CYP7B1: variants seen among roughly 807,000 people sequenced by gnomAD.
CYP7B1 encodes cytochrome P450 family 7 subfamily B member 1, also known as cytochrome P450 7B1.
Under a neutral mutation model 42.7 loss-of-function variants are expected in CYP7B1, and 29 were observed. That is an observed-to-expected ratio of 0.68 (90% CI 0.51 to 0.93). The LOEUF (loss-of-function observed/expected upper bound fraction) is 0.93. CYP7B1 is among the 40% of genes least tolerant of loss of function. The probability of loss-of-function intolerance (pLI) is 0.00; values close to 1 mark genes in which losing one functional copy is unlikely to be tolerated. For missense variants in CYP7B1, 655 were observed against 600.5 expected, an observed-to-expected ratio of 1.09 and a Z score of -0.95; for synonymous variants, 235 against 218.2, an observed-to-expected ratio of 1.08 and a Z score of -0.68.
chr8:64,711,438 G>A (rs889031390), intron 1 of CYP7B1, among the ~76,000 whole-genome samples: 10 of 152,176 alleles, frequency 6.6e-5, no homozygotes, highest in Non-Finnish European at 8.8e-5. Flanking sequence ...AAATGGTGGC[G>A]CTACAAAGAG....
chr8:64,733,857 C>G (rs922641837), intron 1 of CYP7B1, among the ~76,000 whole-genome samples: 7 of 152,066 alleles, frequency 4.6e-5, no homozygotes, highest in African/African-American at 1.7e-4. Context: ...ACAGTCCCAG[C>G]TATTTTGGAG....
intron 1 of CYP7B1, among the ~76,000 whole-genome samples, chr8:64,639,290 A>G (rs1805819628): frequency 6.6e-6 from 1 of 152,168 alleles, no homozygotes; most frequent in Admixed American, 6.6e-5. Flanking sequence ...TTATTGCAAC[A>G]GGATTTTACT....
intron 2 of CYP7B1, among the ~76,000 whole-genome samples, chr8:64,621,642 G>A (rs1414019227): frequency 2.6e-5 from 4 of 152,106 alleles, no homozygotes; most frequent in Non-Finnish European, 2.9e-5. Flanking sequence ...CTGATCTTGG[G>A]GAGCCTCATG....
chr8:64,728,741 GA>G (rs1244144592), intron 1 of CYP7B1: 2 of 152,130 alleles, frequency 1.3e-5, no homozygotes, highest in Admixed American at 6.6e-5. Context: ...AACACTTCTA[GA>G]AAAAATCAGG....
chr8:64,708,335 T>C (rs1807029833), intron 1 of CYP7B1, among the ~76,000 whole-genome samples: 1 of 152,180 alleles, frequency 6.6e-6, no homozygotes, highest in African/African-American at 2.4e-5. Context: ...CCAGTTCACC[T>C]ACTCAGCACG....
At chr8:64,660,350 T>C (rs929346071) in intron 1 of CYP7B1, among the ~76,000 whole-genome samples, 9 of 152,206 alleles carry the variant, frequency 5.9e-5, no homozygotes, top group African/African-American at 1.9e-4. Context: ...TCTCATGACG[T>C]CTGTGTGTCA....
chr8:64,602,731 T>C (rs1283941146), intron 5 of CYP7B1, among the ~76,000 whole-genome samples: 1 of 152,174 alleles, frequency 6.6e-6, no homozygotes, highest in Non-Finnish European at 1.5e-5. Flanking sequence ...TCTAGAACAA[T>C]CTCCTTTTCT....
At chr8:64,703,684 C>T (rs1201914709) in intron 1 of CYP7B1, 1 of 151,900 alleles carries the variant, frequency 6.6e-6, no homozygotes, top group African/African-American at 2.4e-5. Flanking sequence ...CAAACTGACA[C>T]GTGATTGTTT....
intron 2 of CYP7B1, among the ~76,000 whole-genome samples, chr8:64,621,790 C>T (rs1264659504): frequency 3.4e-5 from 5 of 145,590 alleles, no homozygotes; most frequent in East Asian, 2.0e-4. Context: ...GGCTGGAGTG[C>T]AGTGGTACGA....
At chr8:64,720,840 A>T (rs927890459) in intron 1 of CYP7B1, among the ~76,000 whole-genome samples, 4 of 152,122 alleles carry the variant, frequency 2.6e-5, no homozygotes, top group Non-Finnish European at 5.9e-5. Context: ...CTGGGTAATG[A>T]AAGTGCTATA....
intron 1 of CYP7B1, among the ~76,000 whole-genome samples, chr8:64,721,154 T>C (rs1306905291): frequency 2.0e-5 from 3 of 151,998 alleles, no homozygotes; most frequent in Admixed American, 6.6e-5. Flanking sequence ...TTGTTTTTGC[T>C]TTAAAGGTGA....
rs1309268555 is a variant in CYP7B1, at chr8:64,616,007, T to C, written c.534A>G (p.Ala178=). Residue 178 remains alanine, a synonymous_variant, in exon 3 of 6, where the codon GCA becomes GCG. Coordinates refer to ENST00000310193, the MANE Select transcript of CYP7B1 (RefSeq NM_004820.5). ...QLLKTTSWDT[A]ELYPFCSSII... The stretch of plus-strand genomic sequence containing the variant: ...TTGAGCTGCAGAATGGATACAGTTC[T>C]GCCGTGTCCCAACTTGTGGTTTTTA... 6.2e-7 allele frequency: 1 copy of C among 1,613,788 alleles called. No homozygotes were observed.
chr8:64,748,625 C>A (rs1285716892), intron 1 of CYP7B1, among the ~76,000 whole-genome samples: 1 of 152,130 alleles, frequency 6.6e-6, no homozygotes, highest in Non-Finnish European at 1.5e-5. Context: ...ATTTACTTTC[C>A]CCTACCATCC....
chr8:64,770,300 G>A (rs1288620422), intron 1 of CYP7B1, among the ~76,000 whole-genome samples: 1 of 152,102 alleles, frequency 6.6e-6, no homozygotes, highest in Non-Finnish European at 1.5e-5. Context: ...TTTCAGAGTT[G>A]GAATAGATCT....
chr8:64,778,956 C>G (rs947700731), intron 1 of CYP7B1, among the ~76,000 whole-genome samples: 2 of 152,078 alleles, frequency 1.3e-5, no homozygotes, highest in Non-Finnish European at 2.9e-5. Flanking sequence ...GGCTTTCACA[C>G]AATCTAGTGC....
At chr8:64,601,449 C>A (rs970947779) in intron 5 of CYP7B1, among the ~76,000 whole-genome samples, 3 of 152,160 alleles carry the variant, frequency 2.0e-5, no homozygotes, top group Non-Finnish European at 4.4e-5. Flanking sequence ...GGAAAGCCAA[C>A]GAACAGATTT....
intron 1 of CYP7B1, among the ~76,000 whole-genome samples, chr8:64,688,239 A>G (rs1435568728): frequency 6.6e-6 from 1 of 152,194 alleles, no homozygotes; most frequent in Non-Finnish European, 1.5e-5. Context: ...CTACTCTTCT[A>G]TCTCCATCTT....
chr8:64,588,919 A>C (rs1306086474), downstream of CYP7B1, among the ~76,000 whole-genome samples: 3 of 152,244 alleles, frequency 2.0e-5, no homozygotes, highest in East Asian at 5.8e-4. Context: ...TGCCTGATGT[A>C]TCAGGAAGCA....
intron 1 of CYP7B1, among the ~76,000 whole-genome samples, chr8:64,764,800 C>A (rs1256472498): frequency 6.6e-6 from 1 of 152,086 alleles, no homozygotes; most frequent in Non-Finnish European, 1.5e-5. Flanking sequence ...AGCTTACTAA[C>A]TAAAAAATCT....
Sources: gnomAD v4.1 joint callset for allele counts (sites outside exome capture counted in the v4.1 genomes callset) on GRCh38, gnomAD v4.1.1 for gene constraint, MANE v1.5 for transcripts, NCBI Gene and HGNC (gene_info 2026-07-23, HGNC 2026-07-21) for gene names.